Variants in COL23A1 observed in about 807,000 individuals in gnomAD.
COL23A1 encodes collagen alpha-1(XXIII) chain.
COL23A1 carries 97 observed loss-of-function variants against 99.3 expected under a neutral mutation model. The observed-to-expected ratio is 0.98, with a 90% confidence interval of 0.83 to 1.16. COL23A1 has a LOEUF of 1.16. Ranked by LOEUF, COL23A1 falls within the 50% of genes most tolerant of loss-of-function variation. The probability of loss-of-function intolerance (pLI) is 0.00; values close to 1 mark genes in which losing one functional copy is unlikely to be tolerated. For missense variants in COL23A1, 762 were observed against 757.4 expected, an observed-to-expected ratio of 1.01 and a Z score of -0.07; for synonymous variants, 320 against 308.2, an observed-to-expected ratio of 1.04 and a Z score of -0.40.
At chr5:178,426,033 G>C (rs1765915321) in intron 2 of COL23A1, among the ~76,000 whole-genome samples, 1 of 152,144 alleles carries the variant, frequency 6.6e-6, no homozygotes. Flanking sequence ...CACAGCAGGG[G>C]GGGCAACCAA....
At chr5:178,362,177 G>A (rs1001526862) in intron 2 of COL23A1, among the ~76,000 whole-genome samples, 7 of 152,204 alleles carry the variant, frequency 4.6e-5, no homozygotes, top group South Asian at 2.1e-4. Flanking sequence ...TGTGCAGAGC[G>A]GCTCCTCCTG....
rs1764188609 is a variant in COL23A1, at chr5:178,590,028, T to G, written c.170A>C (p.Gln57Pro). 2 of 1,356,060 alleles carry G rather than the reference T, an allele frequency of 1.5e-6. No individual in the cohort carries two copies. The highest frequency in any genetic ancestry group is 1.9e-6 in the Non-Finnish European group (2 of 1,051,820). The allele number at this position is 1,356,060 out of a possible 1,614,324, so 84.0% of individuals were successfully genotyped here. ...SAAACLLLGV[Q>P]AAALQGRVAA... ...CACCCGGCCCTGCAGCGCGGCCGCCTGGACACCCAGCAGCAGGCAGGCAGC... is the reference window on the plus strand; with the variant it reads ...CACCCGGCCCTGCAGCGCGGCCGCCGGGACACCCAGCAGCAGGCAGGCAGC... The change falls in exon 1 of 29, where the codon CAG becomes CCG. Residue 57 changes from glutamine to proline, a missense_variant. Gln to Pro is a moderately conservative substitution (Grantham distance 76). Transcript: ENST00000390654. The surrounding 1 kb of genome is among the most constrained non-coding windows in gnomAD (Gnocchi z 5.7).
chr5:178,530,502 G>C (rs551588180), intron 2 of COL23A1, among the ~76,000 whole-genome samples: 1 of 152,154 alleles, frequency 6.6e-6, no homozygotes, highest in Non-Finnish European at 1.5e-5. Context: ...CTTTGAATAT[G>C]AGCCAGACAG....
chr5:178,356,692 A>G (rs1417029229), intron 2 of COL23A1, among the ~76,000 whole-genome samples: 2 of 152,160 alleles, frequency 1.3e-5, no homozygotes, highest in Non-Finnish European at 2.9e-5. Context: ...TTGCCGCCGG[A>G]GCAGAGCCGG....
At chr5:178,269,357 A>AT (rs1561809674) in intron 6 of COL23A1, among the ~76,000 whole-genome samples, 4 of 35,712 alleles carry the variant, frequency 1.1e-4, no homozygotes, top group South Asian at 9.5e-4. Flanking sequence ...CCACCCACCC[A>AT]CCCATCCACC....
At chr5:178,539,004 C>T (rs1216448301) in intron 2 of COL23A1, among the ~76,000 whole-genome samples, 1 of 152,146 alleles carries the variant, frequency 6.6e-6, no homozygotes, top group East Asian at 1.9e-4. Flanking sequence ...ATTCCATTTC[C>T]ATGAGATGTC....
At chr5:178,540,801 C>A (rs1289022753) in intron 2 of COL23A1, among the ~76,000 whole-genome samples, 3 of 152,214 alleles carry the variant, frequency 2.0e-5, no homozygotes, top group African/African-American at 4.8e-5. Flanking sequence ...TTGGTGAGTG[C>A]CTGTGGTCCC....
At chr5:178,444,138 C>G (rs913596966) in intron 2 of COL23A1, among the ~76,000 whole-genome samples, 6 of 151,988 alleles carry the variant, frequency 3.9e-5, no homozygotes, top group Admixed American at 1.3e-4. Flanking sequence ...CCCAGGAGGT[C>G]AAGGCTGCAG....
At chr5:178,531,605 T>C (rs1000398487) in intron 2 of COL23A1, among the ~76,000 whole-genome samples, 2 of 152,208 alleles carry the variant, frequency 1.3e-5, no homozygotes, top group Admixed American at 1.3e-4. Flanking sequence ...AGGGATTCTG[T>C]TCTCGGCAGC....
rs200546032 is a variant in COL23A1 at position 178,262,100 on chromosome 5, GCA to G, written c.675+115_675+116del. The G allele has an allele frequency of 3.4e-3, 3,700 of 1,100,508 alleles. 96 individuals carry two copies. In the African/African-American group the frequency reaches 0.057, roughly 17 times the overall value. 68.2% of individuals were successfully genotyped at this position (1,100,508 alleles called of 1,614,324 possible). A position where few individuals can be genotyped will look rare whatever the true frequency, so the allele number is the denominator to read the frequency against. On this transcript the variant is annotated intron_variant, in intron 10 of 28. Coordinates refer to ENST00000390654, the MANE Select transcript of COL23A1 (RefSeq NM_173465.4). ...CAGACACGTACATGCAGAGGCGCGC[GCA>G]CACACATAAACATGTGCGCGTGACC...
intron 3 of COL23A1, among the ~76,000 whole-genome samples, chr5:178,298,249 C>T (rs1000232628): frequency 2.6e-5 from 4 of 152,154 alleles, no homozygotes; most frequent in African/African-American, 9.7e-5. Flanking sequence ...GAGAGTTCCT[C>T]AAACTGGGAA....
At chr5:178,277,041 T>C (rs2913839) in intron 5 of COL23A1, among the ~76,000 whole-genome samples, 141,942 of 152,258 alleles carry the variant, frequency 0.93, 66,368 homozygotes, top group Non-Finnish European at 0.98. Flanking sequence ...AATGTCTTTC[T>C]GGGAGCCAGG....
At chr5:178,523,163 C>CATATACATATAT (rs1760059637) in intron 2 of COL23A1, among the ~76,000 whole-genome samples, 1 of 95,550 alleles carries the variant, frequency 1.0e-5, no homozygotes, top group East Asian at 3.0e-4. Context: ...TATATATATA[C>CATATACATATAT]ATATATATAT....
chr5:178,420,250 G>A (rs528013891), intron 2 of COL23A1, among the ~76,000 whole-genome samples: 3 of 152,118 alleles, frequency 2.0e-5, no homozygotes, highest in East Asian at 1.9e-4. Context: ...ATGCACTTCC[G>A]TGGGGCTGCC....
At chr5:178,576,614 C>T (rs1005818568) in intron 1 of COL23A1, among the ~76,000 whole-genome samples, 7 of 152,326 alleles carry the variant, frequency 4.6e-5, no homozygotes, top group African/African-American at 1.7e-4. Flanking sequence ...GCGCAGAGAC[C>T]CATCCAGGCG....
chr5:178,486,220 T>A (rs1018317967), intron 2 of COL23A1, among the ~76,000 whole-genome samples: 1 of 151,706 alleles, frequency 6.6e-6, no homozygotes, highest in Non-Finnish European at 1.5e-5. Context: ...GATGTGGGAG[T>A]GTTCGACAAG....
intron 1 of COL23A1, among the ~76,000 whole-genome samples, chr5:178,578,121 G>GCACA (rs33991455): frequency 6.8e-6 from 1 of 146,142 alleles, no homozygotes; most frequent in African/African-American, 2.6e-5. Context: ...ACACATTCAT[G>GCACA]CACACACACA....
rs1758799892 is a variant in COL23A1, at chr5:178,313,224, C to G, written c.362-6305G>C. Among the ~76,000 whole-genome samples the G allele has an allele frequency of 6.6e-6, 1 of 151,948 alleles. No homozygotes were observed. Among genetic ancestry groups the G allele is most frequent in the African/African-American group, 2.4e-5 (1 of 41,344 alleles). On this transcript the variant is annotated intron_variant, in intron 2 of 28. Coordinates refer to ENST00000390654, the MANE Select transcript of COL23A1 (RefSeq NM_173465.4). This position sits in a 1 kb window ranked among gnomAD's most constrained non-coding sequence, Gnocchi z 4.2. ...AGGCGAGACTGGGAAGTCGGTGGGC[C>G]CAGAGACTCCGTTTTGCAACATGAA...
intron 5 of COL23A1, among the ~76,000 whole-genome samples, chr5:178,275,325 T>C (rs1246260868): frequency 6.6e-6 from 1 of 152,212 alleles, no homozygotes; most frequent in African/African-American, 2.4e-5. Flanking sequence ...GCGACCCGTG[T>C]GTGGCCTTCC....
Sources: allele counts gnomAD v4.1 joint callset (sites outside exome capture counted in the v4.1 genomes callset), GRCh38; gene constraint gnomAD v4.1.1; non-coding constraint Gnocchi (gnomAD v3.1); transcripts MANE v1.5; gene names NCBI Gene and HGNC (gene_info 2026-07-23, HGNC 2026-07-21).